Variants in ST6GALNAC5 observed in about 807,000 individuals in gnomAD.
ST6GALNAC5 encodes alpha-N-acetylgalactosaminide alpha-2,6-sialyltransferase 5.
A neutral mutation model predicts 33.6 loss-of-function variants in ST6GALNAC5; 27 were observed. The observed-to-expected ratio is 0.80, with a 90% CI of 0.59 to 1.11. The LOEUF is 1.11. Ranked by LOEUF, ST6GALNAC5 falls within the 50% of genes least tolerant of loss-of-function variation. ST6GALNAC5 has a pLI of 0.00. For missense variants in ST6GALNAC5, 428 were observed against 454.0 expected (o/e 0.94, Z 0.52); for synonymous variants, 194 against 171.2 (o/e 1.13, Z -1.04).
chr1:76,869,474 G>C (rs539667990), intron 2 of ST6GALNAC5, among the ~76,000 whole-genome samples: 1 of 152,242 alleles, frequency 6.6e-6, no homozygotes, highest in East Asian at 1.9e-4. Context: ...AATCAAGTTT[G>C]CTGATTCTGA....
In ST6GALNAC5 at chr1:76,868,357, T is replaced by A. The variant is rs560125159; in HGVS notation, c.16-140T>A. On this transcript the variant is annotated intron_variant, in intron 1 of 4. Transcript: ENST00000477717. The surrounding 1 kb of genome is among the most constrained non-coding windows in gnomAD (Gnocchi z 4.3). ...GGGGACGGTGCTTTCTCTGTCCCAGTTGCGTGCGGCGGGGCTGGGGCCCAG... is the reference window on the plus strand; with the variant it reads ...GGGGACGGTGCTTTCTCTGTCCCAGATGCGTGCGGCGGGGCTGGGGCCCAG... 1.5e-6 allele frequency: 2 copies of A among 1,298,260 alleles called. No homozygotes were observed. Among genetic ancestry groups the A allele is most frequent in the South Asian group, 3.2e-5 (2 of 63,358 alleles). 80.4% of individuals were successfully genotyped at this position (1,298,260 alleles called of 1,614,324 possible). A position where few individuals can be genotyped will look rare whatever the true frequency, so the allele number is the denominator to read the frequency against.
chr1:76,952,333 A>G (rs1272342696), intron 2 of ST6GALNAC5, among the ~76,000 whole-genome samples: 1 of 152,110 alleles, frequency 6.6e-6, no homozygotes, highest in East Asian at 1.9e-4. Context: ...TATATGTTGA[A>G]GCCCTGACCC....
At chr1:76,883,127 A>G (rs1653820576) in intron 2 of ST6GALNAC5, among the ~76,000 whole-genome samples, 1 of 152,226 alleles carries the variant, frequency 6.6e-6, no homozygotes, top group Non-Finnish European at 1.5e-5. Context: ...TGGTAGGCAC[A>G]AGGGAGGAAA....
chr1:76,878,443 G>A (rs1050793646), intron 2 of ST6GALNAC5, among the ~76,000 whole-genome samples: 8 of 152,150 alleles, frequency 5.3e-5, no homozygotes, highest in African/African-American at 1.9e-4. Context: ...TTAATGGGAG[G>A]ACCTCAACGA....
chr1:76,877,805 G>T (rs1653680381), intron 2 of ST6GALNAC5, among the ~76,000 whole-genome samples: 1 of 152,238 alleles, frequency 6.6e-6, no homozygotes. Context: ...CTAGAGAGTT[G>T]ATATGCCCCT....
At chr1:76,930,052 G>C (rs923568014) in intron 2 of ST6GALNAC5, among the ~76,000 whole-genome samples, 1 of 152,076 alleles carries the variant, frequency 6.6e-6, no homozygotes, top group East Asian at 1.9e-4. Context: ...TTTGTGGCTT[G>C]CATTATTTTG....
At chr1:76,951,620 T>C (rs1360387221) in intron 2 of ST6GALNAC5, among the ~76,000 whole-genome samples, 1 of 152,088 alleles carries the variant, frequency 6.6e-6, no homozygotes, top group East Asian at 1.9e-4. Context: ...GAACACAAAG[T>C]ATAATAGATA....
At chr1:76,938,610 C>T (rs1647251578) in intron 2 of ST6GALNAC5, among the ~76,000 whole-genome samples, 2 of 152,106 alleles carry the variant, frequency 1.3e-5, no homozygotes, top group Admixed American at 6.6e-5. Context: ...ATAGAATCTC[C>T]TCTGCCCCCC....
At chr1:77,048,987 G>A (rs940048960) in intron 3 of ST6GALNAC5, among the ~76,000 whole-genome samples, 4 of 152,088 alleles carry the variant, frequency 2.6e-5, no homozygotes, top group Admixed American at 2.0e-4. Flanking sequence ...TGCTTTCTGG[G>A]ATGTTACTAG....
Position 77,062,966 on chromosome 1 carries a change from C to T in ST6GALNAC5, c.780-9C>T. Reference sequence around the variant, plus strand: ...TGCTTTAATCAGTTATCTCAATTTCCTCCTACAGGGATCCCAATCACCCTT... The same window carrying T: ...TGCTTTAATCAGTTATCTCAATTTCTTCCTACAGGGATCCCAATCACCCTT... On this transcript the variant is annotated splice_polypyrimidine_tract_variant and intron_variant, in intron 4 of 4. Coordinates refer to ENST00000477717, the MANE Select transcript of ST6GALNAC5 (RefSeq NM_030965.3). 1.2e-6 allele frequency: 2 copies of T among 1,609,376 alleles called. No homozygotes were observed. The highest frequency in any genetic ancestry group is 1.1e-5 in the South Asian group (1 of 90,858).
At chr1:76,893,812 C>T (rs1235739647) in intron 2 of ST6GALNAC5, among the ~76,000 whole-genome samples, 1 of 152,140 alleles carries the variant, frequency 6.6e-6, no homozygotes, top group African/African-American at 2.4e-5. Flanking sequence ...AGGTGCGTGC[C>T]ACCAAATCCG....
At position 77,029,858 on chromosome 1, in the gene ST6GALNAC5, A is replaced by C. The variant is rs1247127453; in HGVS notation, c.262-14346A>C. The stretch of plus-strand genomic sequence containing the variant: ...GTCTAAATTATTGTTGAAGGTTCCA[A>C]ATTGATTTTATACTTTCCTACCTAA... On this transcript the variant is annotated intron_variant, in intron 2 of 4. Coordinates refer to ENST00000477717, the MANE Select transcript of ST6GALNAC5 (RefSeq NM_030965.3). Among the ~76,000 whole-genome samples the C allele has an allele frequency of 2.0e-5, 3 of 152,202 alleles. 1 individual carries two copies. The highest frequency in any genetic ancestry group is 4.1e-4 in the South Asian group (2 of 4,830).
At chr1:77,046,486 G>A (rs1182914865) in intron 3 of ST6GALNAC5, among the ~76,000 whole-genome samples, 9 of 152,176 alleles carry the variant, frequency 5.9e-5, no homozygotes, top group Admixed American at 3.9e-4. Context: ...AGGAGAAAGA[G>A]CTGGCTGTTG....
At chr1:77,037,279 C>A (rs1175407909) in intron 2 of ST6GALNAC5, among the ~76,000 whole-genome samples, 1 of 152,092 alleles carries the variant, frequency 6.6e-6, no homozygotes, top group Non-Finnish European at 1.5e-5. Flanking sequence ...GGCCATTATC[C>A]AAAGTGAATT....
intron 2 of ST6GALNAC5, among the ~76,000 whole-genome samples, chr1:76,985,021 A>C (rs1649421927): frequency 6.6e-6 from 1 of 152,204 alleles, no homozygotes; most frequent in African/African-American, 2.4e-5. Flanking sequence ...ATCTCAAAAT[A>C]ATAAGAACTA....
At chr1:76,958,231 C>T (rs1207090914) in intron 2 of ST6GALNAC5, among the ~76,000 whole-genome samples, 11 of 152,166 alleles carry the variant, frequency 7.2e-5, no homozygotes, top group South Asian at 2.1e-4. Context: ...TTTCAACTCT[C>T]GCTTCACATC....
intron 2 of ST6GALNAC5, among the ~76,000 whole-genome samples, chr1:76,978,138 T>A (rs1265954262): frequency 1.3e-5 from 2 of 152,206 alleles, no homozygotes; most frequent in Admixed American, 1.3e-4. Context: ...TTGAGAAACA[T>A]CTCTTCAAGT....
intron 2 of ST6GALNAC5, among the ~76,000 whole-genome samples, chr1:76,911,264 G>C (rs1045107536): frequency 2.6e-5 from 4 of 152,074 alleles, no homozygotes; most frequent in South Asian, 2.1e-4. Context: ...TGCGTATATT[G>C]ACCCAGGCTT....
chr1:76,965,849 A>G (rs151033997), intron 2 of ST6GALNAC5, among the ~76,000 whole-genome samples: 13,844 of 152,262 alleles, frequency 0.091, 828 homozygotes, highest in Middle Eastern at 0.16. Flanking sequence ...TCCCAGCACC[A>G]TTTATTAAAT....
Sources: allele counts gnomAD v4.1 joint callset (sites outside exome capture counted in the v4.1 genomes callset), GRCh38; gene constraint gnomAD v4.1.1; non-coding constraint Gnocchi (gnomAD v3.1); transcripts MANE v1.5; gene names NCBI Gene and HGNC (gene_info 2026-07-23, HGNC 2026-07-21).